The following KCNJ6 variants were observed in gnomAD, a reference collection of about 807,000 sequenced individuals.
KCNJ6 encodes the protein G protein-activated inward rectifier potassium channel 2.
A neutral mutation model predicts 34.2 loss-of-function variants in KCNJ6; 9 were observed. That is an observed-to-expected ratio of 0.26 (90% CI 0.16 to 0.46). The LOEUF (loss-of-function observed/expected upper bound fraction) is 0.46, where lower values mean the gene tolerates loss of function less well. KCNJ6 is among the 20% of genes least tolerant of loss of function. KCNJ6 has a pLI of 1.00. For synonymous variants in KCNJ6, 196 were observed against 207.1 expected (o/e 0.95, Z 0.46); for missense variants, 236 against 531.3 (o/e 0.44, Z 5.46).
At chr21:37,754,455 T>C (rs531871838) in intron 2 of KCNJ6, among the ~76,000 whole-genome samples, 14 of 152,220 alleles carry the variant, frequency 9.2e-5, no homozygotes, top group Non-Finnish European at 1.8e-4. Flanking sequence ...CTGATGTGTC[T>C]TTCTAGGGTT....
Position 37,710,822 on chromosome 21 carries a change from C to A in KCNJ6, c.946+3389G>T, listed in dbSNP as rs139373923. Among the ~76,000 whole-genome samples the A allele has an allele frequency of 7.9e-5, 12 of 152,352 alleles. No homozygotes were observed. The East Asian group carries it at 2.1e-3, about 27-fold the overall frequency. ...TGTAAACACCACTATCTCAAAATCGCCCATGTGTCAGGAACATAAACGGCC... is the reference window on the plus strand; with the variant it reads ...TGTAAACACCACTATCTCAAAATCGACCATGTGTCAGGAACATAAACGGCC... On this transcript the variant is annotated intron_variant, in intron 3 of 3. Transcript: ENST00000609713.
intron 2 of KCNJ6, among the ~76,000 whole-genome samples, chr21:37,812,696 A>C (rs1489423015): frequency 1.3e-5 from 2 of 152,214 alleles, no homozygotes; most frequent in Admixed American, 6.5e-5. Context: ...GCTGAGAAAA[A>C]ATTTGATAAA....
intron 1 of KCNJ6, among the ~76,000 whole-genome samples, chr21:37,897,800 C>T (rs1166965780): frequency 5.3e-5 from 8 of 152,236 alleles, no homozygotes. Flanking sequence ...CTTATCATCA[C>T]AGCCATTGTA....
rs1001482582 is a variant in KCNJ6 at position 37,819,301 on chromosome 21, T to C, written c.25+21357A>G. 2.6e-5 allele frequency among the ~76,000 whole-genome samples: 4 copies of C among 152,204 alleles called. No individual in the cohort carries two copies. In the East Asian group the frequency reaches 7.7e-4, roughly 29 times the overall value. ...GAGACAGAAATTGTGCTAAGTTGTT[T>C]GTCATTTTAGAATTGAGATCAGAGT... On this transcript the variant is annotated intron_variant, in intron 2 of 3. Transcript: ENST00000609713.
chr21:37,782,084 C>T (rs1258512841), intron 2 of KCNJ6, among the ~76,000 whole-genome samples: 1 of 152,014 alleles, frequency 6.6e-6, no homozygotes, highest in Non-Finnish European at 1.5e-5. Context: ...AAGAGCATGG[C>T]AGGAGAGTTA....
intron 2 of KCNJ6, among the ~76,000 whole-genome samples, chr21:37,812,576 G>C (rs1002766597): frequency 6.6e-6 from 1 of 152,142 alleles, no homozygotes; most frequent in Non-Finnish European, 1.5e-5. Context: ...TCATGACGAA[G>C]TGGGATTTAT....
intron 3 of KCNJ6, among the ~76,000 whole-genome samples, chr21:37,678,008 G>T (rs1202106027): frequency 6.6e-6 from 1 of 152,028 alleles, no homozygotes; most frequent in Non-Finnish European, 1.5e-5. Context: ...CTGTCACAGA[G>T]ATATTTCTCT....
chr21:37,834,080 C>T (rs1001848780), intron 2 of KCNJ6, among the ~76,000 whole-genome samples: 1 of 152,190 alleles, frequency 6.6e-6, no homozygotes, highest in Non-Finnish European at 1.5e-5. Flanking sequence ...AGCCTCTCAG[C>T]TCATGTGGTG....
chr21:37,759,583 G>T (rs540062033), intron 2 of KCNJ6, among the ~76,000 whole-genome samples: 1 of 152,220 alleles, frequency 6.6e-6, no homozygotes, highest in Non-Finnish European at 1.5e-5. Context: ...GCTTCCCATT[G>T]TCCCCTGGGT....
intron 1 of KCNJ6, among the ~76,000 whole-genome samples, chr21:37,907,761 C>A (rs1259059299): frequency 6.6e-6 from 1 of 152,198 alleles, no homozygotes; most frequent in South Asian, 2.1e-4. Context: ...AACTATCATG[C>A]CTCCTCCCCC....
intron 3 of KCNJ6, among the ~76,000 whole-genome samples, chr21:37,688,566 G>C (rs1297988140): frequency 6.6e-6 from 1 of 152,172 alleles, no homozygotes; most frequent in East Asian, 1.9e-4. Flanking sequence ...AAGGGCTCTG[G>C]ACACAAGTCC....
intron 2 of KCNJ6, among the ~76,000 whole-genome samples, chr21:37,822,636 C>A (rs777656887): frequency 6.6e-6 from 1 of 152,148 alleles, no homozygotes; most frequent in Admixed American, 6.5e-5. Flanking sequence ...TTTGTTGGAG[C>A]CTGCTCACAT....
At chr21:37,718,829 TACAATA>T (rs960181277) in intron 2 of KCNJ6, among the ~76,000 whole-genome samples, 2 of 151,948 alleles carry the variant, frequency 1.3e-5, no homozygotes, top group African/African-American at 4.8e-5. Flanking sequence ...AAAAAAAAAA[TACAATA>T]ACAATGGGAA....
At chr21:37,713,527 C>T (rs181273816) in intron 3 of KCNJ6, among the ~76,000 whole-genome samples, 1 of 152,136 alleles carries the variant, frequency 6.6e-6, no homozygotes, top group Non-Finnish European at 1.5e-5. Flanking sequence ...TAAAAACAGA[C>T]CATTTTCTCT....
chr21:37,702,733 T>C (rs2054697984), intron 3 of KCNJ6, among the ~76,000 whole-genome samples: 1 of 152,152 alleles, frequency 6.6e-6, no homozygotes, highest in African/African-American at 2.4e-5. Flanking sequence ...CTGGTTGGAA[T>C]AGGCTCTGAG....
chr21:37,798,509 G>A (rs2055254039), intron 2 of KCNJ6, among the ~76,000 whole-genome samples: 1 of 152,086 alleles, frequency 6.6e-6, no homozygotes, highest in Non-Finnish European at 1.5e-5. Flanking sequence ...TAACCAAAAG[G>A]TGAAAACAAC....
rs554711940 is a variant in KCNJ6 at position 37,646,225 on chromosome 21, A to T, written c.947-20741T>A. On this transcript the variant is annotated intron_variant, in intron 3 of 3. Coordinates refer to ENST00000609713, the MANE Select transcript of KCNJ6 (RefSeq NM_002240.5). ...GAGTTTAGCATTTCAAATATTTTTT[A>T]TATATATTTCATAAGAAATATTTTC... Among the ~76,000 whole-genome samples the T allele has an allele frequency of 2.0e-5, 3 of 152,266 alleles. No homozygotes were observed. In the East Asian group the frequency reaches 5.8e-4, roughly 29 times the overall value.
At chr21:37,837,942 AG>A (rs1175764653) in intron 2 of KCNJ6, among the ~76,000 whole-genome samples, 2 of 152,218 alleles carry the variant, frequency 1.3e-5, no homozygotes, top group Non-Finnish European at 2.9e-5. Flanking sequence ...AGCATTTTGT[AG>A]CATCTATAGA....
At chr21:37,685,530 A>C (rs1276352163) in intron 3 of KCNJ6, among the ~76,000 whole-genome samples, 1 of 96,308 alleles carries the variant, frequency 1.0e-5, no homozygotes, top group African/African-American at 3.2e-5. Context: ...AAATACAAAA[A>C]ATTAGCCGGG....
Sources: gnomAD v4.1 joint callset for allele counts (sites outside exome capture counted in the v4.1 genomes callset) on GRCh38, gnomAD v4.1.1 for gene constraint, MANE v1.5 for transcripts, NCBI Gene and HGNC (gene_info 2026-07-23, HGNC 2026-07-21) for gene names.